The following PRPF18 variants were observed in gnomAD, a reference collection of about 807,000 sequenced individuals.
The protein encoded by PRPF18 is pre-mRNA-splicing factor 18.
A neutral mutation model predicts 46.5 loss-of-function variants in PRPF18; 38 were observed. The ratio of observed to expected loss-of-function variants is 0.82; its 90% confidence interval spans 0.63 to 1.07. The LOEUF (loss-of-function observed/expected upper bound fraction) is 1.07. Ranked by LOEUF, PRPF18 falls within the 50% of genes least tolerant of loss-of-function variation. The pLI, the probability that PRPF18 is intolerant of heterozygous loss-of-function variation, is 0.00. For synonymous variants in PRPF18, 152 were observed against 146.7 expected (o/e 1.04, Z -0.26); for missense variants, 263 against 410.0 (o/e 0.64, Z 3.10).
At chr10:13,596,741 T>C (rs769047166) in intron 1 of PRPF18, among the ~76,000 whole-genome samples, 1 of 152,166 alleles carries the variant, frequency 6.6e-6, no homozygotes, top group Non-Finnish European at 1.5e-5. Flanking sequence ...CATCAAATCA[T>C]ATCACAACAA....
At chr10:13,616,164 A>G (rs1008501998) in intron 8 of PRPF18, among the ~76,000 whole-genome samples, 12 of 152,114 alleles carry the variant, frequency 7.9e-5, no homozygotes, top group African/African-American at 2.7e-4. Context: ...TTTTTTACTC[A>G]CAACCTAGCT....
chr10:13,620,048 TA>T (rs1443606855), intron 9 of PRPF18, among the ~76,000 whole-genome samples: 7 of 152,086 alleles, frequency 4.6e-5, no homozygotes, highest in African/African-American at 1.4e-4. Flanking sequence ...CTAAGCTGTC[TA>T]AAGAATGTTC....
At chr10:13,613,586 A>G (rs2080301486) in intron 6 of PRPF18, among the ~76,000 whole-genome samples, 155 bp from the exon 7 acceptor site, 1 of 152,240 alleles carries the variant, frequency 6.6e-6, no homozygotes, top group African/African-American at 2.4e-5. Flanking sequence ...ATGACCAATA[A>G]GCAGAACTAG....
At chr10:13,591,829 A>T in intron 1 of PRPF18, 1 of 1,440,118 alleles carries the variant, frequency 6.9e-7, no homozygotes, top group Non-Finnish European at 9.3e-7. Flanking sequence ...CAGGTGCTTC[A>T]GGAAGACCGC....
intron 9 of PRPF18, among the ~76,000 whole-genome samples, chr10:13,624,807 G>A (rs1309797573): frequency 2.0e-5 from 3 of 152,136 alleles, no homozygotes; most frequent in Admixed American, 6.5e-5. Flanking sequence ...AAACCAGCTT[G>A]CTGCCCTGTC....
At chr10:13,650,419 CTCGTGTATGTAT>C in the PRPF18 span, among the ~76,000 whole-genome samples, 77 of 150,414 alleles carry the variant, frequency 5.1e-4, no homozygotes, top group East Asian at 6.8e-3. Flanking sequence ...TGAGCATGAA[CTCGTGTATGTAT>C]TCGTGTATGT....
Position 13,592,159 on chromosome 10 carries a change from T to C in PRPF18, c.66+5007T>C, listed in dbSNP as rs557105748. The C allele has an allele frequency of 1.1e-4, 70 of 616,352 alleles. No individual in the cohort carries two copies. In the Middle Eastern group the frequency reaches 1.8e-3, roughly 16 times the overall value. The allele number at this position is 616,352 out of a possible 1,614,324, so 38.2% of individuals were successfully genotyped here. A position where few individuals can be genotyped will look rare whatever the true frequency, so the allele number is the denominator to read the frequency against. ...GAATACATAGCACATCGGGAATACC[T>C]GCCAATTCCTCTGACAAGGACAGGG... On this transcript the variant is annotated intron_variant, in intron 1 of 9. Coordinates refer to ENST00000378572, the MANE Select transcript of PRPF18 (RefSeq NM_003675.4).
chr10:13,591,536 G>C, intron 1 of PRPF18: 1 of 723,376 alleles, frequency 1.4e-6, no homozygotes, highest in South Asian at 1.4e-5. Context: ...CTTAGGAATA[G>C]CTTTGATTTT....
intron 2 of PRPF18, among the ~76,000 whole-genome samples, chr10:13,599,434 ATT>A (rs1342905005): frequency 1.3e-5 from 2 of 152,112 alleles, no homozygotes; most frequent in Non-Finnish European, 2.9e-5. Context: ...TACTTTCAGC[ATT>A]TTGGATTTAT....
intron 9 of PRPF18, among the ~76,000 whole-genome samples, chr10:13,620,696 TA>T (rs1378427621): frequency 6.6e-6 from 1 of 152,258 alleles, no homozygotes; most frequent in Non-Finnish European, 1.5e-5. Flanking sequence ...CTGAGATAAT[TA>T]TTTTTTTATT....
chr10:13,598,207 T>C (rs933851424), intron 2 of PRPF18, among the ~76,000 whole-genome samples: 5 of 152,112 alleles, frequency 3.3e-5, no homozygotes, highest in African/African-American at 1.2e-4. Flanking sequence ...TAGTTGATAA[T>C]GTATTGTGGT....
intron 1 of PRPF18, chr10:13,591,394 T>C (rs991843617): frequency 2.3e-6 from 1 of 431,596 alleles, no homozygotes; most frequent in Non-Finnish European, 4.1e-6. Flanking sequence ...AATGATTTTA[T>C]CATGTTTTAT....
chr10:13,600,589 C>A (rs2080091449), intron 3 of PRPF18, among the ~76,000 whole-genome samples: 2 of 151,980 alleles, frequency 1.3e-5, no homozygotes, highest in African/African-American at 2.4e-5. Flanking sequence ...CATGAATATT[C>A]AAAAATAAGT....
the PRPF18 span, chr10:13,647,979 G>C: frequency 2.6e-5 from 4 of 152,002 alleles, no homozygotes; most frequent in African/African-American, 9.6e-5. Context: ...ACCCAAAGTA[G>C]TTCAGAGCGG....
chr10:13,605,370 G>A lies in PRPF18; in HGVS notation c.250-261G>A, dbSNP rs546101943. 1.3e-4 allele frequency among the ~76,000 whole-genome samples: 20 copies of A among 152,008 alleles called. No individual in the cohort carries two copies. In the East Asian group the frequency reaches 3.9e-3, roughly 29 times the overall value. On this transcript the variant is annotated intron_variant, in intron 3 of 9. Coordinates refer to ENST00000378572, the MANE Select transcript of PRPF18 (RefSeq NM_003675.4). ...AGCCCGAGGCAGGCGGATCACAAGG[G>A]CAGGAGACTGAGACCATCCTGGCCA...
At chr10:13,604,432 T>G (rs955456155) in intron 3 of PRPF18, among the ~76,000 whole-genome samples, 1 of 152,258 alleles carries the variant, frequency 6.6e-6, no homozygotes, top group African/African-American at 2.4e-5. Context: ...TATGAATAAT[T>G]ATAAAATAAA....
intron 5 of PRPF18, among the ~76,000 whole-genome samples, chr10:13,610,864 C>G (rs1489931891): frequency 1.3e-5 from 2 of 152,214 alleles, no homozygotes; most frequent in African/African-American, 4.8e-5. Flanking sequence ...TCTTTCCAGC[C>G]CTGCCAACGC....
intron 1 of PRPF18, chr10:13,592,098 G>A (rs1564449033): frequency 1.7e-6 from 1 of 584,282 alleles, no homozygotes; most frequent in East Asian, 4.0e-5. Context: ...CTCGTACTTA[G>A]CGGCTGAGTA....
chr10:13,646,939 G>A, the PRPF18 span: 14 of 967,350 alleles, frequency 1.4e-5, no homozygotes, highest in Non-Finnish European at 1.5e-5. Flanking sequence ...TGGCTCACAC[G>A]AGGGTCCCGG....
Sources: gnomAD v4.1 joint callset for allele counts (sites outside exome capture counted in the v4.1 genomes callset) on GRCh38, gnomAD v4.1.1 for gene constraint, MANE v1.5 for transcripts, NCBI Gene and HGNC (gene_info 2026-07-23, HGNC 2026-07-21) for gene names.